The following NTNG1 variants were observed in gnomAD, a reference collection of about 807,000 sequenced individuals.
The protein encoded by NTNG1 is netrin-G1.
NTNG1 carries 16 observed loss-of-function variants against 54.0 expected under a neutral mutation model. The ratio of observed to expected loss-of-function variants is 0.30; its 90% CI spans 0.20 to 0.45. The LOEUF (loss-of-function observed/expected upper bound fraction) is 0.45. Among genes scored for constraint, NTNG1 ranks in the 20% least tolerant of loss-of-function variants. NTNG1 has a pLI of 1.00. For synonymous variants in NTNG1, 255 were observed against 263.1 expected (o/e 0.97, Z 0.30); for missense variants, 530 against 678.7 (o/e 0.78, Z 2.43).
At chr1:107,407,492 T>TTGTGTG (rs3838422) in intron 4 of NTNG1, among the ~76,000 whole-genome samples, 190 bp from the exon 5 acceptor site, 11 of 150,316 alleles carry the variant, frequency 7.3e-5, no homozygotes, top group South Asian at 2.1e-4. Flanking sequence ...TTGCTGGAAA[T>TTGTGTG]TGTGTGTGTG....
At position 107,431,496 on chromosome 1, in the gene NTNG1, G is replaced by T. The variant is rs747408293; in HGVS notation, c.1255+579G>T. On this transcript the variant is annotated intron_variant, in intron 6 of 7. Transcript: ENST00000370068. ...TTCCTACAGCTCCCAAAAAGGAGGAGTAATTTCTCAAAAGTATTCTAGGCA... is the reference window on the plus strand; with the variant it reads ...TTCCTACAGCTCCCAAAAAGGAGGATTAATTTCTCAAAAGTATTCTAGGCA... 2.0e-5 allele frequency among the ~76,000 whole-genome samples: 3 copies of T among 152,116 alleles called. No individual in the cohort carries two copies. In the East Asian group the frequency reaches 5.8e-4, roughly 29 times the overall value.
intron 2 of NTNG1, among the ~76,000 whole-genome samples, chr1:107,283,616 G>A (rs796841950): frequency 6.6e-6 from 1 of 152,118 alleles, no homozygotes; most frequent in Non-Finnish European, 1.5e-5. Context: ...TATGTTAGCC[G>A]TATTAGGCCT....
rs1196716537 is a variant in NTNG1 at position 107,148,725 on chromosome 1, T to C, written c.132T>C (p.Val44=). 1.1e-5 allele frequency: 17 copies of C among 1,613,770 alleles called. No homozygotes were observed. Among genetic ancestry groups the C allele is most frequent in the Non-Finnish European group, 1.4e-5 (16 of 1,179,780 alleles). The part of the protein sequence containing the change: ...KTQIYTEEGK[V]WDYMACQPES... ...AGATTTACACGGAAGAAGGGAAAGT[T>C]TGGGATTACATGGCCTGCCAGCCGG... is the stretch of plus-strand genomic sequence containing the variant. The change falls in exon 2 of 8, where the codon GTT becomes GTC. Residue 44 remains valine, a synonymous_variant. Coordinates refer to ENST00000370068, the MANE Select transcript of NTNG1 (RefSeq NM_001113226.3).
chr1:107,144,330 A>C lies in NTNG1; in HGVS notation c.-526+3190A>C, dbSNP rs570234559. Among the ~76,000 whole-genome samples the C allele has an allele frequency of 2.6e-4, 39 of 152,210 alleles. No individual in the cohort carries two copies. The East Asian group carries it at 2.9e-3, about 11-fold the overall frequency. On this transcript the variant is annotated intron_variant, in intron 1 of 7. Coordinates refer to ENST00000370068, the MANE Select transcript of NTNG1 (RefSeq NM_001113226.3). ...CATATTTATAAAATTCTTAATGTGA[A>C]TGAGGAATGAGTCAATAGTTGTGTA...
rs1429011453 is a variant in NTNG1 at position 107,407,363 on chromosome 1, T to C, written c.1061-319T>C. On this transcript the variant is annotated intron_variant, in intron 4 of 7. Coordinates refer to ENST00000370068, the MANE Select transcript of NTNG1 (RefSeq NM_001113226.3). The stretch of plus-strand genomic sequence containing the variant: ...ACCACCTACAAATGTTCATTAACCT[T>C]ATAGGGAAACACAAAATGTTGGATG... Among the ~76,000 whole-genome samples, 5 of 152,100 alleles carry C rather than the reference T, an allele frequency of 3.3e-5. No homozygotes were observed. The East Asian group carries it at 9.6e-4, about 29-fold the overall frequency.
At chr1:107,356,168 A>G (rs1267953358) in intron 3 of NTNG1, among the ~76,000 whole-genome samples, 1 of 152,234 alleles carries the variant, frequency 6.6e-6, no homozygotes, top group Non-Finnish European at 1.5e-5. Context: ...AAGGCCTCAC[A>G]TAGACATATT....
chr1:107,230,108 A>G (rs905876604), intron 2 of NTNG1, among the ~76,000 whole-genome samples: 3 of 152,178 alleles, frequency 2.0e-5, no homozygotes, highest in South Asian at 4.1e-4. Flanking sequence ...ATAAATGATA[A>G]TATTGGGACC....
intron 2 of NTNG1, among the ~76,000 whole-genome samples, chr1:107,241,774 C>T (rs1461939876): frequency 2.7e-4 from 41 of 151,976 alleles, no homozygotes. Context: ...TAACTTGATG[C>T]CAGGAACATA....
intron 2 of NTNG1, among the ~76,000 whole-genome samples, chr1:107,310,650 T>C (rs1040253718): frequency 1.3e-5 from 2 of 152,114 alleles, no homozygotes; most frequent in African/African-American, 4.8e-5. Flanking sequence ...AAGCACAATT[T>C]TGAAAATTGG....
chr1:107,258,602 A>G (rs531449827), intron 2 of NTNG1, among the ~76,000 whole-genome samples: 2 of 152,294 alleles, frequency 1.3e-5, no homozygotes, highest in Admixed American at 6.5e-5. Flanking sequence ...GGTGGCTTCT[A>G]TTATATCCTG....
chr1:107,404,975 G>A (rs934034760), intron 4 of NTNG1, among the ~76,000 whole-genome samples: 11 of 152,108 alleles, frequency 7.2e-5, no homozygotes, highest in Non-Finnish European at 1.6e-4. Context: ...ACTGTTTGTT[G>A]TAAGATGGAA....
rs1280026437 is a variant in NTNG1, at chr1:107,480,961, C to T, written c.*121C>T. The T allele has an allele frequency of 7.0e-6, 5 of 709,222 alleles. No individual in the cohort carries two copies. In the East Asian group the frequency reaches 1.1e-4, roughly 15 times the overall value. The allele number at this position is 709,222 out of a possible 1,614,324, so 43.9% of individuals were successfully genotyped here. On this transcript the variant is annotated 3_prime_UTR_variant, in exon 8 of 8. Transcript: ENST00000370068. ...CACCCCCACTCAGACAGTGTACAAACTAAGAAGGCCTAACTGAACTAAGCC... is the reference window on the plus strand; with the variant it reads ...CACCCCCACTCAGACAGTGTACAAATTAAGAAGGCCTAACTGAACTAAGCC...
intron 3 of NTNG1, among the ~76,000 whole-genome samples, chr1:107,346,908 AAT>A (rs1440108447): frequency 1.2e-3 from 168 of 144,060 alleles, no homozygotes; most frequent in Middle Eastern, 3.6e-3. Flanking sequence ...AAAAAAAAAA[AAT>A]GAAAAATCCT....
chr1:107,376,437 A>AAAAAAAAC (rs1671267462), intron 3 of NTNG1, among the ~76,000 whole-genome samples: 5 of 150,598 alleles, frequency 3.3e-5, no homozygotes, highest in East Asian at 2.0e-4. Context: ...AACAAAAAAA[A>AAAAAAAAC]AAAATTTGCT....
At chr1:107,266,181 G>A (rs927723647) in intron 2 of NTNG1, among the ~76,000 whole-genome samples, 1 of 152,170 alleles carries the variant, frequency 6.6e-6, no homozygotes, top group East Asian at 1.9e-4. Context: ...CCACTAAGAA[G>A]TATCACTTGA....
chr1:107,217,847 G>C (rs561941475), intron 2 of NTNG1, among the ~76,000 whole-genome samples: 2 of 152,270 alleles, frequency 1.3e-5, no homozygotes, highest in South Asian at 4.1e-4. Context: ...AACTTGTTGA[G>C]ATTTGTTTTG....
chr1:107,146,472 G>GA lies in NTNG1; in HGVS notation c.-525-1590dup, dbSNP rs564154729. 9.2e-5 allele frequency among the ~76,000 whole-genome samples: 14 copies of GA among 151,938 alleles called. No individual in the cohort carries two copies. The South Asian group carries it at 2.9e-3, about 32-fold the overall frequency. On this transcript the variant is annotated intron_variant, in intron 1 of 7. Coordinates refer to ENST00000370068, the MANE Select transcript of NTNG1 (RefSeq NM_001113226.3). Reference sequence around the variant, plus strand: ...TCAACTTAAAATTACTAATGAATCTGAAAAAAAGCAGAAGGCTATAGTAGC... The same window carrying GA: ...TCAACTTAAAATTACTAATGAATCTGAAAAAAAAGCAGAAGGCTATAGTAGC...
At chr1:107,149,893 G>A (rs1654430154) in intron 2 of NTNG1, among the ~76,000 whole-genome samples, 1 of 151,972 alleles carries the variant, frequency 6.6e-6, no homozygotes, top group African/African-American at 2.4e-5. Context: ...TCTTGAACCT[G>A]GCCTGGCATT....
At chr1:107,393,046 T>G (rs1399626900) in intron 3 of NTNG1, among the ~76,000 whole-genome samples, 1 of 152,184 alleles carries the variant, frequency 6.6e-6, no homozygotes, top group Non-Finnish European at 1.5e-5. Context: ...TTTACCTCCT[T>G]TTATTATTCA....
Sources: allele counts gnomAD v4.1 joint callset (sites outside exome capture counted in the v4.1 genomes callset), GRCh38; gene constraint gnomAD v4.1.1; transcripts MANE v1.5; gene names NCBI Gene and HGNC (gene_info 2026-07-23, HGNC 2026-07-21).